GPC5: variants seen among roughly 807,000 people sequenced by gnomAD.
GPC5 encodes the protein glypican 5, also known as glypican-5.
A neutral mutation model predicts 53.9 loss-of-function variants in GPC5; 47 were observed. The ratio of observed to expected loss-of-function variants is 0.87; its 90% confidence interval spans 0.69 to 1.11. The LOEUF (loss-of-function observed/expected upper bound fraction) is 1.11. Among genes scored for constraint, GPC5 ranks in the 50% most tolerant of loss-of-function variants. The pLI, the probability that GPC5 is intolerant of heterozygous loss-of-function variation, is 0.00. For missense variants in GPC5, 748 were observed against 713.1 expected (o/e 1.05, Z -0.56); for synonymous variants, 286 against 263.3 (o/e 1.09, Z -0.84).
At chr13:91,786,070 C>T (rs1282949817) in intron 5 of GPC5, among the ~76,000 whole-genome samples, 1 of 152,176 alleles carries the variant, frequency 6.6e-6, no homozygotes, top group Non-Finnish European at 1.5e-5. Flanking sequence ...GATCTCAGCT[C>T]ACCACAACCT....
At chr13:92,226,318 A>G (rs55810126) in intron 7 of GPC5, among the ~76,000 whole-genome samples, 5,554 of 152,282 alleles carry the variant, frequency 0.036, 140 homozygotes, top group Middle Eastern at 0.068. Context: ...CAGAATTGTC[A>G]AGGGAGTATA....
intron 7 of GPC5, among the ~76,000 whole-genome samples, chr13:92,705,705 GT>G (rs1887925995): frequency 6.6e-6 from 1 of 151,960 alleles, no homozygotes; most frequent in Non-Finnish European, 1.5e-5. Context: ...ATACGTCTAT[GT>G]TGGAAAGCAA....
At chr13:92,491,123 C>G (rs1200994967) in intron 7 of GPC5, among the ~76,000 whole-genome samples, 1 of 151,990 alleles carries the variant, frequency 6.6e-6, no homozygotes, top group African/African-American at 2.4e-5. Flanking sequence ...CTGATTATTT[C>G]AGAATTAAAC....
chr13:91,446,401 A>G (rs1310120928), intron 1 of GPC5, among the ~76,000 whole-genome samples: 2 of 151,802 alleles, frequency 1.3e-5, no homozygotes, highest in African/African-American at 4.8e-5. Context: ...TTGTTTTAGT[A>G]CTCTGTTTCT....
At chr13:92,356,386 T>C (rs975150929) in intron 7 of GPC5, among the ~76,000 whole-genome samples, 1 of 152,178 alleles carries the variant, frequency 6.6e-6, no homozygotes, top group African/African-American at 2.4e-5. Context: ...TTGTTGGCTT[T>C]TATGCAGTGC....
At chr13:91,558,424 G>A (rs1239556382) in intron 2 of GPC5, among the ~76,000 whole-genome samples, 1 of 152,048 alleles carries the variant, frequency 6.6e-6, no homozygotes, top group African/African-American at 2.4e-5. Flanking sequence ...CCATCATTTT[G>A]TGGCTTATAA....
At chr13:92,112,790 G>A (rs1343907619) in intron 6 of GPC5, among the ~76,000 whole-genome samples, 2 of 152,036 alleles carry the variant, frequency 1.3e-5, no homozygotes, top group African/African-American at 4.8e-5. Flanking sequence ...GCATAGTATA[G>A]GTTGAAAAGC....
At chr13:92,775,099 A>G (rs1875752860) in intron 7 of GPC5, among the ~76,000 whole-genome samples, 1 of 152,224 alleles carries the variant, frequency 6.6e-6, no homozygotes, top group South Asian at 2.1e-4. Flanking sequence ...TTTGAAGGCT[A>G]TGAACTGAGA....
At chr13:91,965,566 A>G (rs1223974746) in intron 6 of GPC5, among the ~76,000 whole-genome samples, 1 of 152,212 alleles carries the variant, frequency 6.6e-6, no homozygotes. Context: ...AGAAAAGGAC[A>G]CATTTGCTAA....
chr13:91,438,563 C>G (rs927364098), intron 1 of GPC5, among the ~76,000 whole-genome samples: 2 of 152,210 alleles, frequency 1.3e-5, no homozygotes, highest in Non-Finnish European at 2.9e-5. Flanking sequence ...AGGTGTCAGT[C>G]TGCCCCTACT....
chr13:91,927,982 C>T (rs1382191780), intron 6 of GPC5, among the ~76,000 whole-genome samples: 1 of 152,154 alleles, frequency 6.6e-6, no homozygotes, highest in East Asian at 1.9e-4. Context: ...CTCTTCCTAT[C>T]AAAATCAATA....
At chr13:92,088,301 G>T (rs115138539) in intron 6 of GPC5, among the ~76,000 whole-genome samples, 79 of 152,210 alleles carry the variant, frequency 5.2e-4, no homozygotes, top group African/African-American at 1.8e-3. Flanking sequence ...CTAGTAAGCA[G>T]ATCTGGAGAT....
At position 92,793,697 on chromosome 13, in the gene GPC5, G is replaced by A. The variant is rs951980620; in HGVS notation, c.1562-72585G>A. Among the ~76,000 whole-genome samples the A allele has an allele frequency of 2.0e-5, 3 of 151,842 alleles. No homozygotes were observed. The South Asian group carries it at 6.2e-4, about 32-fold the overall frequency. Reference sequence around the variant, plus strand: ...ATAGACACAATAAAAAATGATAAAGGGGATATCACCACCGATCCCACAGAA... The same window carrying A: ...ATAGACACAATAAAAAATGATAAAGAGGATATCACCACCGATCCCACAGAA... On this transcript the variant is annotated intron_variant, in intron 7 of 7. Coordinates refer to ENST00000377067, the MANE Select transcript of GPC5 (RefSeq NM_004466.6).
intron 6 of GPC5, among the ~76,000 whole-genome samples, chr13:92,044,461 G>A (rs2138828808): frequency 6.6e-6 from 1 of 152,334 alleles, no homozygotes; most frequent in Middle Eastern, 3.4e-3. Context: ...TCAAAAACTA[G>A]TCAGGATGTT....
In GPC5 at chr13:91,513,077, C is replaced by T. The variant is rs542294797; in HGVS notation, c.325+64155C>T. 5.5e-4 allele frequency among the ~76,000 whole-genome samples: 83 copies of T among 152,248 alleles called. 1 individual carries two copies. The highest frequency in any genetic ancestry group is 1.9e-3 in the African/African-American group (77 of 41,554). Reference sequence around the variant, plus strand: ...TAGGCAGGCTGGTTACATAGGTAAACGTGTGCCATGGTGGTTTGCTGCACC... The same window carrying T: ...TAGGCAGGCTGGTTACATAGGTAAATGTGTGCCATGGTGGTTTGCTGCACC... On this transcript the variant is annotated intron_variant, in intron 2 of 7. Coordinates refer to ENST00000377067, the MANE Select transcript of GPC5 (RefSeq NM_004466.6).
At chr13:92,351,522 G>A (rs1044499243) in intron 7 of GPC5, among the ~76,000 whole-genome samples, 8 of 151,810 alleles carry the variant, frequency 5.3e-5, no homozygotes, top group African/African-American at 1.9e-4. Flanking sequence ...ATACCAAGAT[G>A]AAGATAAGAA....
chr13:91,490,111 G>A (rs1488030383), intron 2 of GPC5, among the ~76,000 whole-genome samples: 1 of 152,170 alleles, frequency 6.6e-6, no homozygotes, highest in Non-Finnish European at 1.5e-5. Flanking sequence ...AAAGGATAGG[G>A]TGTGTAAATC....
chr13:91,977,359 A>T (rs1594701263), intron 6 of GPC5, among the ~76,000 whole-genome samples: 1 of 152,200 alleles, frequency 6.6e-6, no homozygotes, highest in Non-Finnish European at 1.5e-5. Context: ...ATATTCCTTA[A>T]TGTGGGGAAA....
At chr13:92,438,882 T>C (rs1877433260) in intron 7 of GPC5, among the ~76,000 whole-genome samples, 1 of 152,058 alleles carries the variant, frequency 6.6e-6, no homozygotes, top group Admixed American at 6.6e-5. Flanking sequence ...ATTAAGAACT[T>C]GGAAGAGAAA....
Sources: gnomAD v4.1 joint callset for allele counts (sites outside exome capture counted in the v4.1 genomes callset) on GRCh38, gnomAD v4.1.1 for gene constraint, MANE v1.5 for transcripts, NCBI Gene and HGNC (gene_info 2026-07-23, HGNC 2026-07-21) for gene names.